ASPH: variants seen among roughly 807,000 people sequenced by gnomAD.
ASPH encodes the protein aspartate beta-hydroxylase.
In ASPH, 100 loss-of-function variants were observed where a neutral mutation model predicts 118.4. That is an observed-to-expected ratio of 0.84 (90% CI 0.72 to 1.00). The LOEUF is 1.00. Among genes scored for constraint, ASPH ranks in the 50% least tolerant of loss-of-function variants. ASPH has a pLI of 0.00. For synonymous variants in ASPH, 315 were observed against 325.6 expected (o/e 0.97, Z 0.35); for missense variants, 920 against 919.5 (o/e 1.00, Z -0.01).
chr8:61,701,745 C>G (rs1161439086), intron 1 of ASPH, among the ~76,000 whole-genome samples: 1 of 152,100 alleles, frequency 6.6e-6, no homozygotes, highest in Non-Finnish European at 1.5e-5. Context: ...AACCAATGTA[C>G]CTATTGCTAG....
At chr8:61,650,404 G>C (rs1395924364) in intron 5 of ASPH, among the ~76,000 whole-genome samples, 6 of 152,156 alleles carry the variant, frequency 3.9e-5, no homozygotes, top group Non-Finnish European at 8.8e-5. Context: ...CAGGATTCCA[G>C]AACATCCTGC....
intron 13 of ASPH, among the ~76,000 whole-genome samples, chr8:61,622,455 C>T (rs186567812): frequency 3.5e-4 from 54 of 152,326 alleles, no homozygotes; most frequent in African/African-American, 9.4e-4. Flanking sequence ...AGTGAATTTC[C>T]ACCCAGGCCT....
rs550005955 is a variant in ASPH at position 61,654,008 on chromosome 8, T to G, written c.323-348A>C. ...GCGATTAATTCCTAAGTCCTGCAGTTTGAATTCAGCAATGAGGCAACTAAA... is the reference window on the plus strand; with the variant it reads ...GCGATTAATTCCTAAGTCCTGCAGTGTGAATTCAGCAATGAGGCAACTAAA... On this transcript the variant is annotated intron_variant, in intron 3 of 24. Transcript: ENST00000379454. 3.9e-5 allele frequency among the ~76,000 whole-genome samples: 6 copies of G among 152,328 alleles called. No individual in the cohort carries two copies. The East Asian group carries it at 9.6e-4, about 24-fold the overall frequency.
chr8:61,567,449 T>C, intron 16 of ASPH, 131 bp from the exon 17 acceptor site: 1 of 935,852 alleles, frequency 1.1e-6, no homozygotes, highest in Non-Finnish European at 1.5e-6. Context: ...CTTTTCTCCT[T>C]ATCAAGAGAT....
chr8:61,650,092 A>G (rs898255547), intron 5 of ASPH, among the ~76,000 whole-genome samples: 3 of 152,018 alleles, frequency 2.0e-5, no homozygotes, highest in Non-Finnish European at 4.4e-5. Flanking sequence ...CCATGACAGC[A>G]CTTACCCCAT....
chr8:61,647,294 G>A (rs1808502239), intron 5 of ASPH, among the ~76,000 whole-genome samples: 2 of 152,152 alleles, frequency 1.3e-5, no homozygotes, highest in African/African-American at 4.8e-5. Context: ...CCTTTTCCTG[G>A]GAATTGACAT....
chr8:61,675,777 C>G, intron 3 of ASPH: 1 of 1,167,774 alleles, frequency 8.6e-7, no homozygotes, highest in Non-Finnish European at 1.1e-6. Flanking sequence ...TCAGTGAATA[C>G]ATGAGTTGAA....
At chr8:61,645,189 A>G (rs1271671981) in intron 6 of ASPH, among the ~76,000 whole-genome samples, 1 of 152,108 alleles carries the variant, frequency 6.6e-6, no homozygotes, top group East Asian at 1.9e-4. Context: ...AAATATTTTT[A>G]TTTTCTGAAG....
Position 61,503,315 on chromosome 8 carries a change from A to G in ASPH, c.*44T>C. The G allele has an allele frequency of 1.3e-6, 2 of 1,561,708 alleles. No homozygotes were observed. The highest frequency in any genetic ancestry group is 1.7e-6 in the Non-Finnish European group (2 of 1,148,842). ...CACACCCAAGGAGATGGAACCAGAA[A>G]GGCAGCCTCTCTCCAGAGTTTCCCA... On this transcript the variant is annotated 3_prime_UTR_variant, in exon 25 of 25. Coordinates refer to ENST00000379454, the MANE Select transcript of ASPH (RefSeq NM_004318.4).
chr8:61,574,676 C>T (rs1587447273), intron 16 of ASPH, among the ~76,000 whole-genome samples: 1 of 152,220 alleles, frequency 6.6e-6, no homozygotes, highest in Admixed American at 6.5e-5. Flanking sequence ...GGGAGGGCAA[C>T]ATCACACACC....
chr8:61,599,536 G>GA (rs536405811), intron 14 of ASPH, among the ~76,000 whole-genome samples: 1 of 142,358 alleles, frequency 7.0e-6, no homozygotes, highest in African/African-American at 2.6e-5. Context: ...GAATGACTAA[G>GA]AAAAAAAAGG....
intron 18 of ASPH, among the ~76,000 whole-genome samples, chr8:61,560,291 G>A (rs976515884): frequency 1.1e-4 from 16 of 152,064 alleles, no homozygotes; most frequent in African/African-American, 1.4e-4. Flanking sequence ...AGGAGGGGCC[G>A]CAAAAAGCCA....
chr8:61,700,635 C>A (rs1031697363), intron 1 of ASPH, among the ~76,000 whole-genome samples: 2 of 152,140 alleles, frequency 1.3e-5, no homozygotes, highest in African/African-American at 4.8e-5. Flanking sequence ...AGTTTCTGAC[C>A]CACAAAAATG....
At chr8:61,614,744 C>A (rs530469047) in intron 14 of ASPH, among the ~76,000 whole-genome samples, 2 of 152,252 alleles carry the variant, frequency 1.3e-5, no homozygotes, top group Admixed American at 1.3e-4. Flanking sequence ...CTCCCCTTGG[C>A]CTTCCAAAGT....
At chr8:61,559,188 T>C (rs1164284866) in intron 18 of ASPH, among the ~76,000 whole-genome samples, 1 of 152,216 alleles carries the variant, frequency 6.6e-6, no homozygotes, top group African/African-American at 2.4e-5. Flanking sequence ...TTACAAATAA[T>C]CCAATTATAT....
At chr8:61,568,829 G>A (rs771946400) in intron 16 of ASPH, among the ~76,000 whole-genome samples, 19 of 152,190 alleles carry the variant, frequency 1.2e-4, no homozygotes, top group Non-Finnish European at 2.6e-4. Context: ...AACATGAGAT[G>A]GAAGGAGGTG....
At chr8:61,658,135 T>C (rs1358059562) in intron 3 of ASPH, 6 of 152,186 alleles carry the variant, frequency 3.9e-5, no homozygotes, top group Admixed American at 1.3e-4. Flanking sequence ...GGTAACCACG[T>C]TAATCCTCGT....
chr8:61,629,315 T>C (rs976591321), intron 13 of ASPH, among the ~76,000 whole-genome samples: 2 of 152,226 alleles, frequency 1.3e-5, no homozygotes, highest in African/African-American at 2.4e-5. Context: ...ACCTAAAGTA[T>C]TGTTTGAGAG....
Position 61,691,053 on chromosome 8 carries a change from C to T in ASPH, c.104-6865G>A, listed in dbSNP as rs78735075. On this transcript the variant is annotated intron_variant, in intron 1 of 24. Transcript: ENST00000379454. ...TACTCTAGTATTATTAACCTTACTA[C>T]TATTGATATTTACTAGTTCCAAAAA... Among the ~76,000 whole-genome samples the T allele has an allele frequency of 3.5e-3, 535 of 152,144 alleles. 2 individuals carry two copies. Among genetic ancestry groups the T allele is most frequent in the Middle Eastern group, 0.021 (6 of 292 alleles).
Sources: gnomAD v4.1 joint callset for allele counts (sites outside exome capture counted in the v4.1 genomes callset) on GRCh38, gnomAD v4.1.1 for gene constraint, MANE v1.5 for transcripts, NCBI Gene and HGNC (gene_info 2026-07-23, HGNC 2026-07-21) for gene names.